The following DPP10 variants were observed in gnomAD, a reference collection of about 807,000 sequenced individuals.
DPP10 encodes the protein dipeptidyl peptidase like 10.
A neutral mutation model predicts 120.9 loss-of-function variants in DPP10; 33 were observed. The observed-to-expected ratio is 0.27, with a 90% CI of 0.21 to 0.37. The LOEUF is 0.37. Among genes scored for constraint, DPP10 ranks in the 10% least tolerant of loss-of-function variants. The pLI is 1.00. For missense variants in DPP10, 816 were observed against 942.8 expected (o/e 0.87, Z 1.76); for synonymous variants, 337 against 326.1 (o/e 1.03, Z -0.36).
chr2:115,335,203 C>T (rs1205767274), intron 2 of DPP10, among the ~76,000 whole-genome samples: 3 of 151,968 alleles, frequency 2.0e-5, no homozygotes, highest in African/African-American at 7.2e-5. Flanking sequence ...AAGACCTGAC[C>T]CCATATTTCA....
At chr2:115,326,576 G>A (rs1195432109) in intron 2 of DPP10, among the ~76,000 whole-genome samples, 2 of 151,968 alleles carry the variant, frequency 1.3e-5, no homozygotes, top group Non-Finnish European at 2.9e-5. Flanking sequence ...GTTATCATAG[G>A]AGATTTTAGC....
chr2:115,288,089 C>A (rs1258148991), intron 1 of DPP10, among the ~76,000 whole-genome samples: 1 of 152,082 alleles, frequency 6.6e-6, no homozygotes, highest in African/African-American at 2.4e-5. Context: ...TTTGAGAAAT[C>A]TCCATACTGT....
At chr2:115,766,027 C>A (rs1162147284) in intron 12 of DPP10, among the ~76,000 whole-genome samples, 1 of 151,862 alleles carries the variant, frequency 6.6e-6, no homozygotes, top group Non-Finnish European at 1.5e-5. Context: ...CTGATTCATT[C>A]AGTAAATAAT....
chr2:115,013,951 C>T (rs184057482), intron 1 of DPP10, among the ~76,000 whole-genome samples: 2 of 152,222 alleles, frequency 1.3e-5, no homozygotes, highest in Admixed American at 1.3e-4. Flanking sequence ...AGAAAATTAA[C>T]AAGCATATTC....
intron 1 of DPP10, among the ~76,000 whole-genome samples, chr2:115,207,406 C>T (rs2056208235): frequency 1.1e-5 from 1 of 93,076 alleles, no homozygotes; most frequent in Non-Finnish European, 1.8e-5. Context: ...TTAAAGAGTG[C>T]TTACTGCACC....
At chr2:114,706,000 T>A (rs562344710) in intron 1 of DPP10, among the ~76,000 whole-genome samples, 1 of 152,078 alleles carries the variant, frequency 6.6e-6, no homozygotes, top group East Asian at 1.9e-4. Flanking sequence ...GAGGAGAGAG[T>A]GTCATTGTTT....
chr2:115,125,981 A>G (rs1283084136), intron 1 of DPP10, among the ~76,000 whole-genome samples: 4 of 152,228 alleles, frequency 2.6e-5, no homozygotes, highest in Admixed American at 6.5e-5. Flanking sequence ...GATCGTGTAT[A>G]TATTTCCAAA....
intron 1 of DPP10, among the ~76,000 whole-genome samples, chr2:114,756,437 A>G (rs1043158622): frequency 2.6e-5 from 4 of 152,238 alleles, no homozygotes; most frequent in African/African-American, 9.6e-5. Flanking sequence ...GGAACACATT[A>G]ATTAGTTATG....
chr2:114,720,278 G>A (rs557323925), intron 1 of DPP10, among the ~76,000 whole-genome samples: 12 of 152,096 alleles, frequency 7.9e-5, no homozygotes, highest in Non-Finnish European at 1.6e-4. Context: ...GCTTGCATGA[G>A]CACTAGGTCT....
chr2:115,572,141 T>A (rs2081369849), intron 5 of DPP10, among the ~76,000 whole-genome samples: 1 of 151,854 alleles, frequency 6.6e-6, no homozygotes, highest in Non-Finnish European at 1.5e-5. Flanking sequence ...TTTATCAAGA[T>A]TAAAAAAAAC....
In DPP10 at chr2:115,621,682, T is replaced by C. The variant is rs2084956993; in HGVS notation, c.442-68005T>C. Among the ~76,000 whole-genome samples the C allele has an allele frequency of 2.6e-5, 4 of 152,216 alleles. No individual in the cohort carries two copies. The East Asian group carries it at 5.8e-4, about 22-fold the overall frequency. On this transcript the variant is annotated intron_variant, in intron 5 of 25. Coordinates refer to ENST00000410059, the MANE Select transcript of DPP10 (RefSeq NM_020868.6). ...AAAAATTCTATGTATTTTTGGTTTG[T>C]TTGTTTGTTTGTTTGAGAGGGAGTT... is the stretch of plus-strand genomic sequence containing the variant.
rs1345447591 is a variant in DPP10 at position 115,082,357 on chromosome 2, AAGTCTGTGTT to A, written c.61-226880_61-226871del. 1.3e-4 allele frequency among the ~76,000 whole-genome samples: 20 copies of A among 152,252 alleles called. 1 individual carries two copies. The Middle Eastern group carries it at 0.017, about 129-fold the overall frequency. Reference sequence around the variant, plus strand: ...GCTCTTTTAGCTCCAAACTGGTACAAAGTCTGTGTTAAAATAGCCAGTCGAGGCCATTTTT... The same window carrying A: ...GCTCTTTTAGCTCCAAACTGGTACAAAAAATAGCCAGTCGAGGCCATTTTT... On this transcript the variant is annotated intron_variant, in intron 1 of 25. Transcript: ENST00000410059.
At chr2:115,602,483 A>G (rs1197029236) in intron 5 of DPP10, among the ~76,000 whole-genome samples, 1 of 152,244 alleles carries the variant, frequency 6.6e-6, no homozygotes, top group East Asian at 1.9e-4. Context: ...GATATCATTC[A>G]ACATTCAAAA....
At chr2:114,819,197 C>G (rs1214508990) in intron 1 of DPP10, among the ~76,000 whole-genome samples, 1 of 150,016 alleles carries the variant, frequency 6.7e-6, no homozygotes, top group Admixed American at 6.6e-5. Context: ...TTGGAACTTA[C>G]TAAGCTTTTT....
intron 1 of DPP10, among the ~76,000 whole-genome samples, chr2:115,126,726 C>T (rs528735156): frequency 6.6e-6 from 1 of 152,194 alleles, no homozygotes; most frequent in African/African-American, 2.4e-5. Flanking sequence ...TTCCTCTTTT[C>T]TCAACCTAAC....
intron 1 of DPP10, among the ~76,000 whole-genome samples, chr2:114,748,361 AT>A (rs1553418251): frequency 0.013 from 999 of 79,382 alleles, 28 homozygotes; most frequent in African/African-American, 0.048. Flanking sequence ...ATTTTTTTTT[AT>A]TTTATTTATT....
chr2:115,739,529 G>A (rs944788541), intron 8 of DPP10, among the ~76,000 whole-genome samples: 20 of 152,006 alleles, frequency 1.3e-4, no homozygotes, highest in African/African-American at 4.8e-4. Flanking sequence ...CCTGACTTAG[G>A]TGCTTCATTG....
rs949241664 is a variant in DPP10, at chr2:115,636,146, A to C, written c.442-53541A>C. Among the ~76,000 whole-genome samples, 4 of 138,500 alleles carry C rather than the reference A, an allele frequency of 2.9e-5. No individual in the cohort carries two copies. The Admixed American group carries it at 2.9e-4, about 10-fold the overall frequency. 90.9% of individuals were successfully genotyped at this position (138,500 alleles called of 152,430 possible). ...AAAATGTTGACCTCAGTCTAATCGCAAAAAAAAAAAAACAAAAAACAGACA... is the reference window on the plus strand; with the variant it reads ...AAAATGTTGACCTCAGTCTAATCGCCAAAAAAAAAAAACAAAAAACAGACA... On this transcript the variant is annotated intron_variant, in intron 5 of 25. Transcript: ENST00000410059.
intron 3 of DPP10, among the ~76,000 whole-genome samples, chr2:115,411,393 G>A (rs2068945986): frequency 7.8e-6 from 1 of 128,132 alleles, no homozygotes; most frequent in Non-Finnish European, 1.9e-5. Flanking sequence ...GTTGAATGAT[G>A]GCTGCTCAAA....
Sources: allele counts gnomAD v4.1 joint callset (sites outside exome capture counted in the v4.1 genomes callset), GRCh38; gene constraint gnomAD v4.1.1; transcripts MANE v1.5; gene names NCBI Gene and HGNC (gene_info 2026-07-23, HGNC 2026-07-21).